Variants in PLGRKT observed in about 807,000 individuals in gnomAD.
PLGRKT encodes plasminogen receptor (KT).
PLGRKT carries 22 observed loss-of-function variants against 18.5 expected under a neutral mutation model. The observed-to-expected ratio is 1.19, with a 90% CI of 0.85 to 1.70. The LOEUF is 1.70. Among genes scored for constraint, PLGRKT ranks in the 40% most tolerant of loss-of-function variants. The probability of loss-of-function intolerance (pLI) is 0.00; values close to 1 mark genes in which losing one functional copy is unlikely to be tolerated. For synonymous variants in PLGRKT, 72 were observed against 52.8 expected (o/e 1.36, Z -1.58); for missense variants, 235 against 174.4 (o/e 1.35, Z -1.96).
chr9:5,385,665 G>A (rs1347978206), intron 3 of PLGRKT, among the ~76,000 whole-genome samples: 1 of 151,784 alleles, frequency 6.6e-6, no homozygotes, highest in Non-Finnish European at 1.5e-5. Context: ...GAAGTCTCAT[G>A]AGTAAGGAGG....
chr9:5,377,829 T>A (rs987703866), intron 3 of PLGRKT, among the ~76,000 whole-genome samples: 8 of 152,106 alleles, frequency 5.3e-5, no homozygotes, highest in African/African-American at 1.2e-4. Flanking sequence ...GGGGGAAGCT[T>A]TTATTCTAGG....
intron 3 of PLGRKT, among the ~76,000 whole-genome samples, chr9:5,371,571 C>G (rs754761979): frequency 1.2e-4 from 19 of 152,188 alleles, no homozygotes; most frequent in Non-Finnish European, 2.1e-4. Flanking sequence ...ACCTTCCCAG[C>G]CATGCGGAAC....
At chr9:5,371,479 G>T (rs564773399) in intron 3 of PLGRKT, among the ~76,000 whole-genome samples, 6 of 152,272 alleles carry the variant, frequency 3.9e-5, no homozygotes, top group Non-Finnish European at 7.3e-5. Flanking sequence ...GTTTATCAGG[G>T]GTTTCCGCTT....
At chr9:5,371,634 C>T (rs778444183) in intron 3 of PLGRKT, among the ~76,000 whole-genome samples, 13 of 152,082 alleles carry the variant, frequency 8.5e-5, no homozygotes, top group South Asian at 6.2e-4. Flanking sequence ...AAATCAGCAG[C>T]GTGAAAATGG....
chr9:5,397,646 G>GAAGCAAGCAAGT (rs148765842), intron 3 of PLGRKT, among the ~76,000 whole-genome samples: 2,314 of 151,756 alleles, frequency 0.015, 93 homozygotes, highest in African/African-American at 0.051. Flanking sequence ...AGGGAAGAAG[G>GAAGCAAGCAAGT]AAGCAAGCAA....
chr9:5,389,790 C>A (rs578117346), intron 3 of PLGRKT, among the ~76,000 whole-genome samples: 1 of 151,726 alleles, frequency 6.6e-6, no homozygotes, highest in East Asian at 1.9e-4. Context: ...CCCTAATGAC[C>A]GAAGGCCATT....
intron 3 of PLGRKT, among the ~76,000 whole-genome samples, chr9:5,367,437 A>C (rs1817418258): frequency 6.6e-6 from 1 of 152,198 alleles, no homozygotes; most frequent in Non-Finnish European, 1.5e-5. Flanking sequence ...ATAAAGCCAC[A>C]TACCTACAAC....
In PLGRKT at chr9:5,363,533, G is replaced by C. The variant is rs533410909; in HGVS notation, c.82-1645C>G. Among the ~76,000 whole-genome samples the C allele has an allele frequency of 1.4e-3, 214 of 152,246 alleles. 1 individual carries two copies. The highest frequency in any genetic ancestry group is 5.0e-3 in the African/African-American group (207 of 41,562). On this transcript the variant is annotated intron_variant, in intron 3 of 5. Coordinates refer to ENST00000223864, the MANE Select transcript of PLGRKT (RefSeq NM_018465.4). ...TCTTCACACCCCTTGGCCGCTGAGGGAGACGGAAGTGGCCTCTCTTAGGCA... is the reference window on the plus strand; with the variant it reads ...TCTTCACACCCCTTGGCCGCTGAGGCAGACGGAAGTGGCCTCTCTTAGGCA...
chr9:5,358,742 T>G (rs1817194871), intron 5 of PLGRKT, among the ~76,000 whole-genome samples: 1 of 152,208 alleles, frequency 6.6e-6, no homozygotes, highest in Non-Finnish European at 1.5e-5. Context: ...AAAGTAAAGT[T>G]TACTACAAAT....
chr9:5,429,222 C>T (rs1011466772), intron 3 of PLGRKT, among the ~76,000 whole-genome samples: 2 of 152,120 alleles, frequency 1.3e-5, no homozygotes, highest in African/African-American at 2.4e-5. Flanking sequence ...AAAACAGACT[C>T]CCCAGTCAGG....
intron 3 of PLGRKT, among the ~76,000 whole-genome samples, chr9:5,388,871 A>G (rs1294734703): frequency 2.0e-5 from 3 of 152,042 alleles, no homozygotes; most frequent in Non-Finnish European, 1.5e-5. Context: ...AGAACCTACA[A>G]CAGCATCTGG....
intron 5 of PLGRKT, among the ~76,000 whole-genome samples, chr9:5,359,060 T>C (rs1817202126): frequency 8.1e-6 from 1 of 122,744 alleles, no homozygotes; most frequent in Non-Finnish European, 1.6e-5. Flanking sequence ...TAACACACTA[T>C]TTTATTTTTT....
At chr9:5,414,511 A>G (rs1818422563) in intron 3 of PLGRKT, among the ~76,000 whole-genome samples, 1 of 152,216 alleles carries the variant, frequency 6.6e-6, no homozygotes, top group African/African-American at 2.4e-5. Flanking sequence ...GCAATGTTTC[A>G]TATACTCCTC....
In PLGRKT at chr9:5,411,377, C is replaced by T. The variant is rs149778591; in HGVS notation, c.81+20520G>A. ...TCCAGCCTGGGAGACAGAGCAAGAC[C>T]CTGTTTCAAAAAAAAAAAAAAAGAA... is the stretch of plus-strand genomic sequence containing the variant. On this transcript the variant is annotated intron_variant, in intron 3 of 5. Transcript: ENST00000223864. Among the ~76,000 whole-genome samples, 219 of 145,116 alleles carry T rather than the reference C, an allele frequency of 1.5e-3. 2 individuals are homozygous for T. The highest frequency in any genetic ancestry group is 5.2e-3 in the African/African-American group (199 of 38,006).
chr9:5,385,678 C>T (rs554822242), intron 3 of PLGRKT, among the ~76,000 whole-genome samples: 2 of 151,676 alleles, frequency 1.3e-5, no homozygotes, highest in African/African-American at 2.4e-5. Context: ...TAAGGAGGAA[C>T]CCCCAAGACA....
intron 3 of PLGRKT, among the ~76,000 whole-genome samples, chr9:5,422,775 G>C (rs1041527725): frequency 6.6e-6 from 1 of 151,816 alleles, no homozygotes; most frequent in African/African-American, 2.4e-5. Flanking sequence ...CAACAAAAAG[G>C]GGCAAAAAGG....
chr9:5,419,002 G>T, intron 3 of PLGRKT: 1 of 578,106 alleles, frequency 1.7e-6, no homozygotes, highest in Non-Finnish European at 3.0e-6. Flanking sequence ...GGAAGGGCAA[G>T]GCCAAGGGGA....
intron 3 of PLGRKT, among the ~76,000 whole-genome samples, chr9:5,394,966 G>A (rs1177150705): frequency 1.3e-5 from 2 of 151,814 alleles, no homozygotes; most frequent in Non-Finnish European, 2.9e-5. Flanking sequence ...CATTCTGCAA[G>A]GCTTTGCAGC....
At position 5,358,235 on chromosome 9, in the gene PLGRKT, G is replaced by C. The variant is rs1157266542; in HGVS notation, c.*4C>G. On this transcript the variant is annotated 3_prime_UTR_variant, in exon 6 of 6. Coordinates refer to ENST00000223864, the MANE Select transcript of PLGRKT (RefSeq NM_018465.4). ...GCTTTGAGATTTGATTGGTAAGCAT[G>C]ATTTCATTTGTCTATGAAGAATCTA... 7 of 1,605,432 alleles carry C rather than the reference G, an allele frequency of 4.4e-6. No individual in the cohort carries two copies. Among genetic ancestry groups the C allele is most frequent in the African/African-American group, 4.0e-5 (3 of 74,758 alleles).
Sources: allele counts gnomAD v4.1 joint callset (sites outside exome capture counted in the v4.1 genomes callset), GRCh38; gene constraint gnomAD v4.1.1; transcripts MANE v1.5; gene names NCBI Gene and HGNC (gene_info 2026-07-23, HGNC 2026-07-21).